Variants in RHPN2 observed in about 807,000 individuals in gnomAD.
RHPN2 encodes the protein rhophilin Rho GTPase binding protein 2.
Under a neutral mutation model 79.0 loss-of-function variants are expected in RHPN2, and 40 were observed. That is an observed-to-expected ratio of 0.51 (90% CI 0.39 to 0.66). The LOEUF is 0.66. RHPN2 is among the 30% of genes least tolerant of loss of function. The pLI is 0.00. For synonymous variants in RHPN2, 285 were observed against 363.5 expected (o/e 0.78, Z 2.46); for missense variants, 686 against 883.5 (o/e 0.78, Z 2.83).
chr19:33,004,403 T>C (rs890653659), intron 7 of RHPN2, among the ~76,000 whole-genome samples: 1 of 152,138 alleles, frequency 6.6e-6, no homozygotes, highest in Non-Finnish European at 1.5e-5. Context: ...ACTATGAATG[T>C]ACAAATGCAC....
chr19:32,981,707 CTT>C (rs34395682), intron 14 of RHPN2, among the ~76,000 whole-genome samples: 137 of 123,572 alleles, frequency 1.1e-3, no homozygotes, highest in African/African-American at 2.9e-3. Flanking sequence ...TTTCTTTTTC[CTT>C]TTTTTTTTTT....
intron 2 of RHPN2, among the ~76,000 whole-genome samples, chr19:33,028,369 C>T (rs1325259333): frequency 2.6e-5 from 4 of 152,072 alleles, no homozygotes; most frequent in Non-Finnish European, 5.9e-5. Flanking sequence ...GTTGCCCAGG[C>T]TGGCCCAGAA....
chr19:33,051,253 A>C (rs1441649337), intron 1 of RHPN2, among the ~76,000 whole-genome samples: 3 of 152,158 alleles, frequency 2.0e-5, no homozygotes, highest in Non-Finnish European at 2.9e-5. Flanking sequence ...CGCCCTCCCA[A>C]AGTGCTGGGA....
At chr19:33,054,150 A>T (rs1331184114) in intron 1 of RHPN2, among the ~76,000 whole-genome samples, 1 of 150,686 alleles carries the variant, frequency 6.6e-6, no homozygotes, top group African/African-American at 2.4e-5. Flanking sequence ...GGTGTGAGCC[A>T]CTACATCCAG....
chr19:33,000,221 ATTTT>A (rs11335915), intron 9 of RHPN2, among the ~76,000 whole-genome samples: 4 of 130,418 alleles, frequency 3.1e-5, no homozygotes, highest in Non-Finnish European at 1.6e-5. Flanking sequence ...GAGGTTCATA[ATTTT>A]TTTTTTTTTT....
At chr19:33,002,447 G>A in intron 8 of RHPN2, 44 bp from the exon 9 acceptor site, 1 of 1,611,680 alleles carries the variant, frequency 6.2e-7, no homozygotes, top group Non-Finnish European at 8.5e-7. Flanking sequence ...CGGCACAAGG[G>A]CCCTCATGAA....
intron 7 of RHPN2, 132 bp from the exon 8 acceptor site, chr19:33,003,132 G>T: frequency 2.6e-6 from 2 of 765,826 alleles, no homozygotes; most frequent in Non-Finnish European, 4.4e-6. Context: ...GCCGAAGTGA[G>T]CAGATCACTT....
At chr19:33,012,577 G>A (rs1267623934) in intron 5 of RHPN2, 70 bp downstream of exon 5, 14 of 933,870 alleles carry the variant, frequency 1.5e-5, no homozygotes, top group African/African-American at 4.8e-5. Flanking sequence ...GACCACAAGC[G>A]TGCAATAATG....
Position 33,044,341 on chromosome 19 carries a change from G to A in RHPN2, c.93C>T (p.Thr31=), listed in dbSNP as rs145760385. 821 of 1,614,026 alleles carry A rather than the reference G, an allele frequency of 5.1e-4. 5 individuals carry two copies. The East Asian group carries it at 7.7e-3, about 15-fold the overall frequency. The part of the protein sequence containing the change: ...FRKGCNPLAQ[T]GRSKLQNQRA... ...TTTGATTCTGCAATTTACTCCGGCCGGTTTGTGCAAGGGGATTACAGCCCT... is the reference window on the plus strand; with the variant it reads ...TTTGATTCTGCAATTTACTCCGGCCAGTTTGTGCAAGGGGATTACAGCCCT... The change falls in exon 2 of 15, where the codon ACC becomes ACT. Residue 31 remains threonine, a synonymous_variant. Transcript: ENST00000254260.
chr19:33,064,376 G>C (rs1599840334), intron 1 of RHPN2, among the ~76,000 whole-genome samples: 3 of 152,090 alleles, frequency 2.0e-5, no homozygotes, highest in Non-Finnish European at 4.4e-5. Flanking sequence ...CTCCACCCGC[G>C]CTCCCACCAA....
At chr19:32,998,102 A>C (rs1336788085) in intron 10 of RHPN2, among the ~76,000 whole-genome samples, 2 of 152,208 alleles carry the variant, frequency 1.3e-5, no homozygotes, top group Non-Finnish European at 2.9e-5. Context: ...AAGGGGCAGC[A>C]GGAAAACCCG....
At chr19:33,015,017 C>A (rs1456273458) in intron 4 of RHPN2, among the ~76,000 whole-genome samples, 4 of 152,056 alleles carry the variant, frequency 2.6e-5, no homozygotes, top group Admixed American at 2.6e-4. Context: ...ATGATCACAT[C>A]ACTGCACTCC....
chr19:33,024,311 T>C (rs958428372), intron 3 of RHPN2, among the ~76,000 whole-genome samples: 11 of 152,210 alleles, frequency 7.2e-5, no homozygotes, highest in Non-Finnish European at 1.2e-4. Flanking sequence ...CATGCGCCTG[T>C]AGTCCCAGCT....
intron 1 of RHPN2, among the ~76,000 whole-genome samples, chr19:33,050,813 G>C (rs989960239): frequency 3.3e-5 from 5 of 152,094 alleles, no homozygotes; most frequent in African/African-American, 1.2e-4. Context: ...TGAGTAGCTA[G>C]AATTGCAGGC....
chr19:33,043,023 G>C (rs1275914348), intron 2 of RHPN2, among the ~76,000 whole-genome samples: 1 of 151,548 alleles, frequency 6.6e-6, no homozygotes, highest in Admixed American at 6.6e-5. Flanking sequence ...AAGTTGCAGT[G>C]AGCCAAGATC....
chr19:33,026,884 ACACT>A (rs1386170012), intron 2 of RHPN2: 1 of 439,982 alleles, frequency 2.3e-6, no homozygotes. Context: ...CATCCTGCAA[ACACT>A]CAGTCTTGAG....
chr19:32,982,217 G>A (rs887718661), intron 14 of RHPN2, among the ~76,000 whole-genome samples: 1 of 151,966 alleles, frequency 6.6e-6, no homozygotes, highest in Non-Finnish European at 1.5e-5. Context: ...AGACCATCGT[G>A]GCCAACATGG....
chr19:33,042,942 G>A (rs1426035521), intron 2 of RHPN2, among the ~76,000 whole-genome samples: 3 of 152,042 alleles, frequency 2.0e-5, no homozygotes, highest in African/African-American at 4.8e-5. Flanking sequence ...AGCCGGGCAC[G>A]GTGGCGGGCA....
intron 3 of RHPN2, among the ~76,000 whole-genome samples, chr19:33,022,657 G>A (rs1971934346): frequency 6.6e-6 from 1 of 152,194 alleles, no homozygotes; most frequent in African/African-American, 2.4e-5. Context: ...TAGGGGCAGG[G>A]CCAGAAGGAA....
Sources: gnomAD v4.1 joint callset for allele counts (sites outside exome capture counted in the v4.1 genomes callset) on GRCh38, gnomAD v4.1.1 for gene constraint, MANE v1.5 for transcripts, NCBI Gene and HGNC (gene_info 2026-07-23, HGNC 2026-07-21) for gene names.